CARF: variants seen among roughly 807,000 people sequenced by gnomAD.
The protein encoded by CARF is calcium responsive transcription factor.
Under a neutral mutation model 82.0 loss-of-function variants are expected in CARF, and 57 were observed. The observed-to-expected ratio is 0.70, with a 90% CI of 0.56 to 0.87. The LOEUF is 0.87. Among genes scored for constraint, CARF ranks in the 40% least tolerant of loss-of-function variants. The pLI, the probability that CARF is intolerant of heterozygous loss-of-function variation, is 0.00. For missense variants in CARF, 771 were observed against 855.8 expected, an observed-to-expected ratio of 0.90 and a Z score of 1.24; for synonymous variants, 268 against 290.1, an observed-to-expected ratio of 0.92 and a Z score of 0.77.
chr2:202,938,702 A>G (rs1163648481), intron 3 of CARF, among the ~76,000 whole-genome samples: 4 of 151,540 alleles, frequency 2.6e-5, no homozygotes, highest in Admixed American at 2.6e-4. Flanking sequence ...AGACAGTGGA[A>G]AAAAATAGTT....
At position 202,912,632 on chromosome 2, in the gene CARF, A is replaced by G. The variant is rs1247422382; in HGVS notation, c.-800A>G. The G allele has an allele frequency of 6.6e-6, 1 of 151,284 alleles. No individual in the cohort carries two copies. The highest frequency in any genetic ancestry group is 1.5e-5 in the Non-Finnish European group (1 of 67,756). 9.4% of individuals were successfully genotyped at this position (151,284 alleles called of 1,614,324 possible). ...GGGGTCCCACATGGCACGGCTTCCG[A>G]CCCCCGGCCCGGGACGGGGCTCGCA... On this transcript the variant is annotated 5_prime_UTR_variant, in exon 1 of 17. Coordinates refer to ENST00000438828, the MANE Select transcript of CARF (RefSeq NM_024744.17).
At chr2:202,926,312 T>C (rs1691814047) in intron 3 of CARF, among the ~76,000 whole-genome samples, 1 of 152,200 alleles carries the variant, frequency 6.6e-6, no homozygotes, top group African/African-American at 2.4e-5. Context: ...TTGGGAGCCT[T>C]CTGGTTAAAA....
rs751099859 is a variant in CARF, at chr2:202,981,662, C to G, written c.1666C>G (p.Pro556Ala). The stretch of plus-strand genomic sequence containing the variant: ...GCTCTCCTCACTCTCCTCATTTCAG[C>G]CCAAAATATTTACACAACTACAGGT... ...HLLSSLSSFQ[P>A]KIFTQLQGLQ... Residue 556 changes from proline to alanine, a missense_variant, in exon 15 of 17, where the codon CCC (proline) becomes GCC (alanine). Coordinates refer to ENST00000438828, the MANE Select transcript of CARF (RefSeq NM_024744.17). 2 of 1,611,442 alleles carry G rather than the reference C, an allele frequency of 1.2e-6. No homozygotes were observed. The highest frequency in any genetic ancestry group is 2.7e-5 in the African/African-American group (2 of 74,858).
chr2:202,938,934 G>A (rs1223015529), intron 3 of CARF, among the ~76,000 whole-genome samples: 2 of 151,964 alleles, frequency 1.3e-5, no homozygotes, highest in African/African-American at 4.8e-5. Flanking sequence ...CTACCATGTT[G>A]CTATTAAGAA....
chr2:202,928,756 T>C (rs1692330527), intron 3 of CARF, among the ~76,000 whole-genome samples: 1 of 152,220 alleles, frequency 6.6e-6, no homozygotes, highest in African/African-American at 2.4e-5. Context: ...ACCATTCGTA[T>C]GTCTTCTTCG....
At chr2:202,924,185 G>C (rs1004860190) in intron 2 of CARF, 112 bp from the exon 3 acceptor site, 2 of 152,158 alleles carry the variant, frequency 1.3e-5, no homozygotes, top group African/African-American at 4.8e-5. Flanking sequence ...GTCTTTGTCA[G>C]CTACATGTTT....
Position 202,964,270 on chromosome 2 carries a change from CTTTGTTTG to C in CARF, c.833-2692_833-2685del, listed in dbSNP as rs150872062. Reference sequence around the variant, plus strand: ...TTAGCATTGCCAGATGTTTAAAAATCTTTGTTTGTTTGTTTGTTTGTTTTTTTGAGTCG... The same window carrying C: ...TTAGCATTGCCAGATGTTTAAAAATCTTTGTTTGTTTGTTTTTTTGAGTCG... On this transcript the variant is annotated intron_variant, in intron 9 of 16. Coordinates refer to ENST00000438828, the MANE Select transcript of CARF (RefSeq NM_024744.17). Among the ~76,000 whole-genome samples, 122 of 151,778 alleles carry C rather than the reference CTTTGTTTG, an allele frequency of 8.0e-4. No individual in the cohort carries two copies. The East Asian group carries it at 0.023, about 28-fold the overall frequency.
chr2:202,920,445 G>A (rs940036917), intron 2 of CARF, among the ~76,000 whole-genome samples: 12 of 152,100 alleles, frequency 7.9e-5, no homozygotes, highest in Admixed American at 5.2e-4. Context: ...GTAAGCCACC[G>A]TGCCTGTCCT....
chr2:202,917,378 C>A (rs1689935304), intron 1 of CARF, among the ~76,000 whole-genome samples: 2 of 152,054 alleles, frequency 1.3e-5, no homozygotes, highest in African/African-American at 4.8e-5. Flanking sequence ...TTTCTGAAAT[C>A]CAATCATTAA....
intron 3 of CARF, among the ~76,000 whole-genome samples, chr2:202,940,192 C>G (rs2105796023): frequency 6.6e-6 from 1 of 152,184 alleles, no homozygotes; most frequent in African/African-American, 2.4e-5. Context: ...CATCACTGTG[C>G]CCAGCTAATT....
chr2:202,961,315 A>T lies in CARF; in HGVS notation c.721A>T (p.Thr241Ser), dbSNP rs2059310854. 6.2e-7 allele frequency: 1 copy of T among 1,614,082 alleles called. No homozygotes were observed. Among genetic ancestry groups the T allele is most frequent in the South Asian group, 1.1e-5 (1 of 91,092 alleles). The stretch of plus-strand genomic sequence containing the variant: ...TGTCCTAACATTTCACAAGCAGCAA[A>T]CACAGAGTGTTTGGGGGACCCGTCA... ...ESVLTFHKQQ[T>S]QSVWGTRQSP... Residue 241 changes from threonine to serine, a missense_variant, in exon 9 of 17, where the codon ACA becomes TCA. Transcript: ENST00000438828.
intron 6 of CARF, among the ~76,000 whole-genome samples, chr2:202,953,417 A>G (rs2058849813): frequency 6.6e-6 from 1 of 151,516 alleles, no homozygotes; most frequent in Non-Finnish European, 1.5e-5. Flanking sequence ...CAGATTCAGA[A>G]AAGAGAATCA....
chr2:202,974,245 T>G lies in CARF; in HGVS notation c.1332-89T>G. 12 of 938,144 alleles carry G rather than the reference T, an allele frequency of 1.3e-5. No homozygotes were observed. The South Asian group carries it at 2.3e-4, about 18-fold the overall frequency. 58.1% of individuals were successfully genotyped at this position (938,144 alleles called of 1,614,324 possible). A position where few individuals can be genotyped will look rare whatever the true frequency, so the allele number is the denominator to read the frequency against. ...GCTATAAACCATACTTTATAGAAGT[T>G]TATACTGAAAGAGAACCTTTCTGTC... On this transcript the variant is annotated intron_variant, in intron 12 of 16. Transcript: ENST00000438828.
At chr2:202,918,136 A>G in intron 2 of CARF, 93 bp downstream of exon 2, 2 of 375,528 alleles carry the variant, frequency 5.3e-6, no homozygotes, top group Non-Finnish European at 1.0e-5. Flanking sequence ...TACCCTTTGT[A>G]TATAGGTGCT....
chr2:202,976,988 C>T (rs2060057380), intron 13 of CARF, among the ~76,000 whole-genome samples: 1 of 152,160 alleles, frequency 6.6e-6, no homozygotes, highest in Non-Finnish European at 1.5e-5. Flanking sequence ...CGGGCATGAC[C>T]CACTGTACCC....
chr2:202,957,198 C>CA (rs2059096780), intron 8 of CARF, among the ~76,000 whole-genome samples: 1 of 152,162 alleles, frequency 6.6e-6, no homozygotes, highest in African/African-American at 2.4e-5. Context: ...AGCCTGCCCC[C>CA]TAACATCTTT....
At chr2:202,937,607 C>CT (rs796631396) in intron 3 of CARF, among the ~76,000 whole-genome samples, 1 of 151,150 alleles carries the variant, frequency 6.6e-6, no homozygotes, top group African/African-American at 2.4e-5. Flanking sequence ...TTAACTGTTC[C>CT]TTTTTTTTGT....
intron 4 of CARF, among the ~76,000 whole-genome samples, 188 bp downstream of exon 4, chr2:202,942,168 G>A (rs1282821394): frequency 1.3e-5 from 2 of 152,108 alleles, no homozygotes; most frequent in Non-Finnish European, 2.9e-5. Flanking sequence ...GAGGTCAGGA[G>A]TTCAAGACCA....
intron 16 of CARF, among the ~76,000 whole-genome samples, chr2:202,982,872 G>C (rs1362903540): frequency 6.6e-6 from 1 of 152,020 alleles, no homozygotes; most frequent in Non-Finnish European, 1.5e-5. Context: ...AGGTTAAAAG[G>C]AAGATTTTCA....
Sources: allele counts gnomAD v4.1 joint callset (sites outside exome capture counted in the v4.1 genomes callset), GRCh38; gene constraint gnomAD v4.1.1; transcripts MANE v1.5; gene names NCBI Gene and HGNC (gene_info 2026-07-23, HGNC 2026-07-21).